The following TSHZ1 variants were observed in gnomAD, a reference collection of about 807,000 sequenced individuals.
The protein encoded by TSHZ1 is teashirt homolog 1.
TSHZ1 carries 12 observed loss-of-function variants against 67.1 expected under a neutral mutation model. The ratio of observed to expected loss-of-function variants is 0.18; its 90% CI spans 0.11 to 0.29. The LOEUF (loss-of-function observed/expected upper bound fraction) is 0.29. TSHZ1 is among the 10% of genes least tolerant of loss of function. TSHZ1 has a pLI of 1.00. For synonymous variants in TSHZ1, 632 were observed against 622.4 expected (o/e 1.02, Z -0.23); for missense variants, 1,305 against 1,413.9 (o/e 0.92, Z 1.23).
Position 75,286,607 on chromosome 18 carries a change from T to C in TSHZ1, c.1200T>C (p.Asn400=), listed in dbSNP as rs759308271. Residue 400 remains asparagine, a synonymous_variant, in exon 2 of 2, where the codon AAT becomes AAC. Coordinates refer to ENST00000580243, the MANE Select transcript of TSHZ1 (RefSeq NM_001308210.2). The surrounding 1 kb of genome is among the most constrained non-coding windows in gnomAD (Gnocchi z 5.1). ...CCAATAACCGCTATGGCTACCAGAA[T>C]GGCGCCAGCTACACCTGGCAGTTTG... is the stretch of plus-strand genomic sequence containing the variant. ...VTPNNRYGYQ[N]GASYTWQFEA... is the part of the protein sequence containing the mutation. 11 of 1,614,188 alleles carry C rather than the reference T, an allele frequency of 6.8e-6. No homozygotes were observed. Among genetic ancestry groups the C allele is most frequent in the South Asian group, 1.1e-5 (1 of 91,080 alleles).
chr18:75,219,887 C>T (rs542938867), intron 1 of TSHZ1, among the ~76,000 whole-genome samples: 6 of 152,336 alleles, frequency 3.9e-5, no homozygotes, highest in African/African-American at 1.4e-4. Flanking sequence ...GACTTGTTCT[C>T]ATACCTGTAG....
At chr18:75,228,014 A>T (rs2022947943) in intron 1 of TSHZ1, among the ~76,000 whole-genome samples, 2 of 152,204 alleles carry the variant, frequency 1.3e-5, no homozygotes, top group Admixed American at 1.3e-4. Flanking sequence ...TATCGGAGTT[A>T]TGGTGTCATT....
intron 1 of TSHZ1, among the ~76,000 whole-genome samples, chr18:75,212,287 G>A (rs969791405): frequency 2.0e-5 from 3 of 152,174 alleles, no homozygotes; most frequent in African/African-American, 7.2e-5. Flanking sequence ...CTCCAAAGGC[G>A]GGGAGGCTGA....
rs2022694882 is a variant in TSHZ1, at chr18:75,211,803, GC to G, written c.-71del. The G allele has an allele frequency of 1.0e-6, 1 of 1,000,166 alleles. No homozygotes were observed. The highest frequency in any genetic ancestry group is 1.2e-6 in the Non-Finnish European group (1 of 835,226). 62.0% of individuals were successfully genotyped at this position (1,000,166 alleles called of 1,614,324 possible). On this transcript the variant is annotated 5_prime_UTR_variant, in exon 1 of 2. It removes the in-frame stop codon of an upstream open reading frame in the 5' UTR. Transcript: ENST00000580243. ...GGGCGCGCCGCGGAGTTGCGCCCGCGCCCGGGGCCCCGCGTCCCCGCGCCCC... is the reference window on the plus strand; with the variant it reads ...GGGCGCGCCGCGGAGTTGCGCCCGCGCCGGGGCCCCGCGTCCCCGCGCCCC...
At chr18:75,268,943 G>T (rs1234712023) in intron 1 of TSHZ1, among the ~76,000 whole-genome samples, 1 of 152,062 alleles carries the variant, frequency 6.6e-6, no homozygotes, top group East Asian at 1.9e-4. Flanking sequence ...TTGATGTGTT[G>T]TTCCTATTCA....
Position 75,281,258 on chromosome 18 carries a change from G to A in TSHZ1, c.41-4190G>A, listed in dbSNP as rs1468957169. 6.6e-6 allele frequency among the ~76,000 whole-genome samples: 1 copy of A among 152,210 alleles called. No homozygotes were observed. The highest frequency in any genetic ancestry group is 1.5e-5 in the Non-Finnish European group (1 of 68,038). ...TGGATGCGGGGCCTGAGGACCAGGA[G>A]GCTTTGAGGATGGCGCTGCTTTTCT... On this transcript the variant is annotated intron_variant, in intron 1 of 1. Transcript: ENST00000580243. This position sits in a 1 kb window ranked among gnomAD's most constrained non-coding sequence, Gnocchi z 5.3.
At chr18:75,258,354 G>A (rs2023387652) in intron 1 of TSHZ1, among the ~76,000 whole-genome samples, 1 of 152,126 alleles carries the variant, frequency 6.6e-6, no homozygotes, top group African/African-American at 2.4e-5. Context: ...ATATATACTT[G>A]TTTCACACTT....
intron 1 of TSHZ1, among the ~76,000 whole-genome samples, chr18:75,238,316 G>A (rs1431217256): frequency 6.6e-6 from 1 of 152,174 alleles, no homozygotes; most frequent in Non-Finnish European, 1.5e-5. Flanking sequence ...ACTCATGATG[G>A]AACTCCCACC....
chr18:75,221,909 A>G (rs999349774), intron 1 of TSHZ1, among the ~76,000 whole-genome samples: 22 of 152,268 alleles, frequency 1.4e-4, no homozygotes, highest in African/African-American at 5.3e-4. Context: ...CTTTGAGAAT[A>G]TATACATATG....
chr18:75,242,046 C>T (rs1315497556), intron 1 of TSHZ1, among the ~76,000 whole-genome samples: 1 of 151,268 alleles, frequency 6.6e-6, no homozygotes, highest in Non-Finnish European at 1.5e-5. Context: ...TTTTAGAGGA[C>T]ACTATTCAAC....
At chr18:75,267,432 A>T (rs751780873) in intron 1 of TSHZ1, among the ~76,000 whole-genome samples, 2 of 152,184 alleles carry the variant, frequency 1.3e-5, no homozygotes, top group Non-Finnish European at 1.5e-5. Context: ...CAGAGATGGG[A>T]TTCAAGGAGA....
At chr18:75,235,411 T>G (rs2023054776) in intron 1 of TSHZ1, among the ~76,000 whole-genome samples, 1 of 152,186 alleles carries the variant, frequency 6.6e-6, no homozygotes, top group African/African-American at 2.4e-5. Flanking sequence ...GGTGTGTCTT[T>G]TCTTTTGCTG....
intron 1 of TSHZ1, among the ~76,000 whole-genome samples, chr18:75,260,240 G>A (rs1177889494): frequency 6.6e-6 from 1 of 152,182 alleles, no homozygotes; most frequent in African/African-American, 2.4e-5. Flanking sequence ...CATTTCAATA[G>A]CAAATATTTA....
chr18:75,264,767 T>C (rs1407563007), intron 1 of TSHZ1, among the ~76,000 whole-genome samples: 5 of 152,196 alleles, frequency 3.3e-5, no homozygotes, highest in African/African-American at 1.2e-4. Context: ...TAAATGTCTT[T>C]TTAAAAGTTT....
In TSHZ1 at chr18:75,287,441, A is replaced by T. The variant is rs140696814; in HGVS notation, c.2034A>T (p.Lys678Asn). 6.2e-7 allele frequency: 1 copy of T among 1,614,208 alleles called. No individual in the cohort carries two copies. Among genetic ancestry groups the T allele is most frequent in the Admixed American group, 1.7e-5 (1 of 60,032 alleles). Residue 678 changes from lysine (K) to asparagine (N), a missense_variant, in exon 2 of 2, where the codon AAA becomes AAT. Coordinates refer to ENST00000580243, the MANE Select transcript of TSHZ1 (RefSeq NM_001308210.2). The surrounding 1 kb of genome is among the most constrained non-coding windows in gnomAD (Gnocchi z 5.0). ...CGTCCCCCATAGCAAAAGAGAATAA[A>T]GATTTCCCGAAAACGGAGGAAGTCA... Reference protein sequence around the residue: ...KAASPIAKENKDFPKTEEVSG... With the variant: ...KAASPIAKENNDFPKTEEVSG...
At chr18:75,223,840 C>G (rs887562320) in intron 1 of TSHZ1, among the ~76,000 whole-genome samples, 4 of 151,926 alleles carry the variant, frequency 2.6e-5, no homozygotes, top group South Asian at 2.1e-4. Flanking sequence ...AAACACACCC[C>G]CTTTATGGAG....
chr18:75,240,240 CTT>C (rs2023136439), intron 1 of TSHZ1, among the ~76,000 whole-genome samples: 1 of 152,180 alleles, frequency 6.6e-6, no homozygotes, highest in Non-Finnish European at 1.5e-5. Context: ...CTCTCTCTCT[CTT>C]ACACATGGTT....
intron 1 of TSHZ1, among the ~76,000 whole-genome samples, chr18:75,218,795 G>T (rs1381612228): frequency 6.6e-6 from 1 of 152,256 alleles, no homozygotes; most frequent in Non-Finnish European, 1.5e-5. Flanking sequence ...AGAACAGCAA[G>T]TGTTTTATTG....
rs1328847317 is a variant in TSHZ1 at position 75,286,440 on chromosome 18, A to C, written c.1033A>C (p.Thr345Pro). The change falls in exon 2 of 2, where the codon ACC becomes CCC. Residue 345 changes from threonine to proline, a missense_variant. Physicochemically the swap from Thr to Pro is conservative, Grantham distance 38. Transcript: ENST00000580243. The surrounding 1 kb of genome is among the most constrained non-coding windows in gnomAD (Gnocchi z 5.1). The part of the protein sequence containing the change: ...VPLKEPVPAI[T>P]KLVPSTKKRA... ...TCTGAAGGAGCCAGTGCCAGCCATC[A>C]CCAAACTGGTCCCCTCCACCAAAAA... 6.2e-7 allele frequency: 1 copy of C among 1,614,210 alleles called. No homozygotes were observed. Among genetic ancestry groups the C allele is most frequent in the South Asian group, 1.1e-5 (1 of 91,084 alleles).
Sources: allele counts gnomAD v4.1 joint callset (sites outside exome capture counted in the v4.1 genomes callset), GRCh38; gene constraint gnomAD v4.1.1; non-coding constraint Gnocchi (gnomAD v3.1); transcripts MANE v1.5; gene names NCBI Gene and HGNC (gene_info 2026-07-23, HGNC 2026-07-21).